The following MCF2L variants were observed in gnomAD, a reference collection of about 807,000 sequenced individuals.
The protein encoded by MCF2L is guanine nucleotide exchange factor DBS.
In MCF2L, 97 loss-of-function variants were observed where a neutral mutation model predicts 153.4. The observed-to-expected ratio is 0.63, with a 90% CI of 0.54 to 0.75. The LOEUF (loss-of-function observed/expected upper bound fraction) is 0.75. Among genes scored for constraint, MCF2L ranks in the 30% least tolerant of loss-of-function variants. The pLI, the probability that MCF2L is intolerant of heterozygous loss-of-function variation, is 0.00. For missense variants in MCF2L, 1,347 were observed against 1,495.2 expected (o/e 0.90, Z 1.64); for synonymous variants, 659 against 632.2 (o/e 1.04, Z -0.64).
At chr13:112,902,065 C>T in intron 1 of MCF2L, 1 of 685,952 alleles carries the variant, frequency 1.5e-6, no homozygotes, top group South Asian at 2.0e-5. Flanking sequence ...AATTTAGTTT[C>T]AAACATACTA....
intron 2 of MCF2L, among the ~76,000 whole-genome samples, chr13:112,918,838 G>A (rs951211440): frequency 7.2e-5 from 11 of 151,976 alleles, no homozygotes; most frequent in Admixed American, 1.3e-4. Context: ...AGACTTTCAC[G>A]AGCGGGGTCC....
rs2081185409 is a variant in MCF2L at position 112,907,531 on chromosome 13, A to AG, written c.169+5164dup. On this transcript the variant is annotated intron_variant, in intron 2 of 29. Coordinates refer to the MCF2L transcript ENST00000375608. The surrounding 1 kb of genome is among the most constrained non-coding windows in gnomAD (Gnocchi z 5.1). ...GAATCCTGGCAACTGTGGCCTTTGC[A>AG]GGGGCTGTAGTTGTGCATTCGTGAA... 6.6e-6 allele frequency among the ~76,000 whole-genome samples: 1 copy of AG among 152,070 alleles called. No homozygotes were observed. The highest frequency in any genetic ancestry group is 2.4e-5 in the African/African-American group (1 of 41,406).
chr13:113,000,708 G>C (rs921896651), intron 1 of MCF2L, among the ~76,000 whole-genome samples: 2 of 152,240 alleles, frequency 1.3e-5, no homozygotes, highest in African/African-American at 4.8e-5. Context: ...CCCAGAAGCC[G>C]GTGTTCCCAG....
chr13:113,020,934 C>T (rs1008026658), intron 2 of MCF2L, among the ~76,000 whole-genome samples: 16 of 151,360 alleles, frequency 1.1e-4, no homozygotes, highest in Non-Finnish European at 1.2e-4. Context: ...AGTGTGTATG[C>T]ATGTGCATGT....
In MCF2L at chr13:113,031,318, G is replaced by T. The variant is rs1285731214; in HGVS notation, c.278+6560G>T. On this transcript the variant is annotated intron_variant, in intron 3 of 29. Coordinates refer to ENST00000535094, the MANE Select transcript of MCF2L (RefSeq NM_001112732.3). The surrounding 1 kb of genome is among the most constrained non-coding windows in gnomAD (Gnocchi z 5.5). ...AAAGAGAGCACGAGGGAGGCAGAGG[G>T]CAGGGGTGGCAGCATCACTGCAGAC... 1.3e-5 allele frequency among the ~76,000 whole-genome samples: 2 copies of T among 152,192 alleles called. No homozygotes were observed. The highest frequency in any genetic ancestry group is 4.8e-5 in the African/African-American group (2 of 41,460).
chr13:112,920,224 G>A lies in MCF2L; in HGVS notation c.169+17853G>A, dbSNP rs141581417. Among the ~76,000 whole-genome samples, 241 of 152,300 alleles carry A rather than the reference G, an allele frequency of 1.6e-3. 2 individuals are homozygous for A. The highest frequency in any genetic ancestry group is 5.4e-3 in the African/African-American group (226 of 41,552). On this transcript the variant is annotated intron_variant, in intron 2 of 29. Coordinates refer to the MCF2L transcript ENST00000375608. ...CGTATGGGTACATGGCGGAGAGGTG[G>A]GAGGAGGCGTGTGTCTGTAGAGTAC...
rs140778593 is a variant in MCF2L at position 113,016,889 on chromosome 13, T to A, written c.163+2043T>A. On this transcript the variant is annotated intron_variant, in intron 2 of 29. Coordinates refer to ENST00000535094, the MANE Select transcript of MCF2L (RefSeq NM_001112732.3). The stretch of plus-strand genomic sequence containing the variant: ...TCCCGTGTGTGGCGTGGGTCCCTCC[T>A]GAGGGCTGGGTTTGTTCACAGCTGC... 2.3e-3 allele frequency among the ~76,000 whole-genome samples: 344 copies of A among 152,306 alleles called. 2 individuals are homozygous for A. Among genetic ancestry groups the A allele is most frequent in the Admixed American group, 9.9e-3 (152 of 15,310 alleles).
At chr13:112,994,791 G>T (rs946782869) in intron 1 of MCF2L, among the ~76,000 whole-genome samples, 4 of 152,224 alleles carry the variant, frequency 2.6e-5, no homozygotes, top group African/African-American at 7.2e-5. Context: ...ATCTACACAG[G>T]TCGGGTAGAG....
chr13:112,981,557 C>T (rs74828158), intron 1 of MCF2L, among the ~76,000 whole-genome samples: 3,726 of 152,290 alleles, frequency 0.024, 171 homozygotes, highest in African/African-American at 0.084. Context: ...GCACCGAGCC[C>T]GTGGCATCTG....
intron 2 of MCF2L, among the ~76,000 whole-genome samples, chr13:112,954,393 C>T (rs946621426): frequency 3.3e-5 from 5 of 152,160 alleles, no homozygotes; most frequent in African/African-American, 1.2e-4. Flanking sequence ...GGCAGCACCC[C>T]CGGCTTCTGC....
At chr13:113,088,291 A>G (rs2034835035) in intron 23 of MCF2L, 36 bp from the exon 24 acceptor site, 1 of 1,552,054 alleles carries the variant, frequency 6.4e-7, no homozygotes, top group Non-Finnish European at 8.9e-7. Context: ...CGGGGGCCTG[A>G]GTACTCACCT....
intron 2 of MCF2L, among the ~76,000 whole-genome samples, chr13:112,938,682 G>A (rs191896093): frequency 1.3e-5 from 2 of 152,256 alleles, no homozygotes; most frequent in Admixed American, 6.5e-5. Flanking sequence ...TCATGCTCAT[G>A]TCAACTATTT....
At chr13:113,052,302 C>G (rs2087396496) in intron 4 of MCF2L, among the ~76,000 whole-genome samples, 2 of 152,180 alleles carry the variant, frequency 1.3e-5, no homozygotes, top group Admixed American at 6.5e-5. Flanking sequence ...GAGGAAGGAG[C>G]CCGGGGGTCC....
intron 2 of MCF2L, among the ~76,000 whole-genome samples, chr13:112,930,042 A>G (rs1042892824): frequency 1.3e-5 from 2 of 152,220 alleles, no homozygotes; most frequent in African/African-American, 4.8e-5. Context: ...ATCGGCTTCC[A>G]CAAAACCTCA....
At chr13:113,082,672 C>A in intron 17 of MCF2L, 130 bp downstream of exon 17, 1 of 666,946 alleles carries the variant, frequency 1.5e-6, no homozygotes. Flanking sequence ...AAGGGGTGGA[C>A]TCACAGAGGC....
At chr13:112,985,352 C>A (rs1282744824) in intron 1 of MCF2L, 2 of 468,240 alleles carry the variant, frequency 4.3e-6, no homozygotes, top group Non-Finnish European at 8.8e-6. Context: ...CCCAGGGCAG[C>A]GCGCGTCCTC....
At chr13:113,015,965 AC>A (rs1183972861) in intron 2 of MCF2L, among the ~76,000 whole-genome samples, 1 of 151,888 alleles carries the variant, frequency 6.6e-6, no homozygotes, top group Non-Finnish European at 1.5e-5. Flanking sequence ...CCCTTTCACA[AC>A]CCCAAAGAGG....
intron 1 of MCF2L, among the ~76,000 whole-genome samples, chr13:113,007,818 C>G (rs1401389949): frequency 1.3e-5 from 2 of 152,130 alleles, no homozygotes; most frequent in African/African-American, 2.4e-5. Context: ...CTTGAAGAAG[C>G]AGAAGATCCC....
intron 2 of MCF2L, among the ~76,000 whole-genome samples, chr13:112,902,845 G>A (rs2081133039): frequency 6.6e-6 from 1 of 152,186 alleles, no homozygotes; most frequent in South Asian, 2.1e-4. Context: ...GTCTGGAATT[G>A]GCTGTACCCC....
Sources: gnomAD v4.1 joint callset for allele counts (sites outside exome capture counted in the v4.1 genomes callset) on GRCh38, gnomAD v4.1.1 for gene constraint, Gnocchi (gnomAD v3.1) non-coding constraint, MANE v1.5 for transcripts, NCBI Gene and HGNC (gene_info 2026-07-23, HGNC 2026-07-21) for gene names.